Variants in CERK observed in about 807,000 individuals in gnomAD.
CERK encodes the protein ceramide kinase, also known as acylsphingosine kinase.
A neutral mutation model predicts 63.4 loss-of-function variants in CERK; 39 were observed. The observed-to-expected ratio is 0.61, with a 90% CI of 0.48 to 0.80. CERK has a LOEUF of 0.80. CERK is among the 30% of genes least tolerant of loss of function. The pLI, the probability that CERK is intolerant of heterozygous loss-of-function variation, is 0.00. For synonymous variants in CERK, 302 were observed against 280.0 expected (o/e 1.08, Z -0.78); for missense variants, 670 against 714.1 (o/e 0.94, Z 0.70).
intron 8 of CERK, among the ~76,000 whole-genome samples, chr22:46,696,189 C>G (rs1041219927): frequency 6.6e-6 from 1 of 152,208 alleles, no homozygotes; most frequent in Admixed American, 6.5e-5. Flanking sequence ...AGTCTGGCTC[C>G]TAGGACATCT....
In CERK at chr22:46,687,164, T is replaced by C; in HGVS notation, c.1584A>G (p.Glu528=). 1.2e-6 allele frequency: 2 copies of C among 1,614,226 alleles called. No individual in the cohort carries two copies. The highest frequency in any genetic ancestry group is 1.7e-6 in the Non-Finnish European group (2 of 1,180,046). ...QLVRLFARGI[E]ENPKPDSHS is the part of the protein sequence containing the mutation. ...TGTGTGAGTCTGGCTTCGGATTCTC[T>C]TCAATTCCTCGTGCAAAGAGTCGAA... Residue 528 remains glutamate (E), a synonymous_variant, in exon 13 of 13, where the codon GAA becomes GAG. Transcript: ENST00000216264.
intron 8 of CERK, among the ~76,000 whole-genome samples, chr22:46,697,911 C>T (rs946311257): frequency 6.6e-6 from 1 of 152,236 alleles, no homozygotes; most frequent in African/African-American, 2.4e-5. Flanking sequence ...TGAACTGGCA[C>T]CAGCCTTCAT....
In CERK at chr22:46,711,097, G is replaced by C; in HGVS notation, c.558C>G (p.Asp186Glu). 6.2e-7 allele frequency: 1 copy of C among 1,613,196 alleles called. No individual in the cohort carries two copies. Among genetic ancestry groups the C allele is most frequent in the African/African-American group, 1.3e-5 (1 of 74,984 alleles). Residue 186 changes from aspartate (D) to glutamate (E), a missense_variant, in exon 5 of 13, where the codon GAC becomes GAG. Asp to Glu is a conservative substitution (Grantham distance 45, BLOSUM62 2). Transcript: ENST00000216264. ...AKETLYEINI[D>E]KYDGIVCVGG... ...GACGGCTTACTCACCCGTCGTATTT[G>C]TCTATGTTAATCTCATACAGAGTCT...
chr22:46,711,256 C>A (rs555360566), intron 4 of CERK, 107 bp from the exon 5 acceptor site: 5 of 810,210 alleles, frequency 6.2e-6, no homozygotes, highest in Non-Finnish European at 8.5e-6. Flanking sequence ...CACCTTCAGG[C>A]GGATTTCCTA....
intron 3 of CERK, among the ~76,000 whole-genome samples, chr22:46,717,471 C>T (rs945910002): frequency 4.6e-5 from 7 of 152,228 alleles, no homozygotes; most frequent in Admixed American, 1.3e-4. Flanking sequence ...GGCAGCCCCA[C>T]GCGAGAGCGT....
chr22:46,701,230 A>G (rs562075548), intron 7 of CERK, among the ~76,000 whole-genome samples: 1 of 152,330 alleles, frequency 6.6e-6, no homozygotes, highest in South Asian at 2.1e-4. Context: ...TCACAGAGGC[A>G]TGCGTTCCAC....
At chr22:46,736,011 GCCCACCAGCCAGGGCCACCAGCCAGGGC>G (rs1263381034) in intron 1 of CERK, among the ~76,000 whole-genome samples, 5 of 152,214 alleles carry the variant, frequency 3.3e-5, no homozygotes, top group Non-Finnish European at 7.4e-5. Flanking sequence ...CCTGGAGGAA[GCCCACCAGCCAGGGCCACCAGCCAGGGC>G]CCCACCATCC....
chr22:46,690,018 G>T lies in CERK; in HGVS notation c.1515C>A (p.Val505=). The T allele has an allele frequency of 6.2e-7, 1 of 1,609,840 alleles. No homozygotes were observed. ...TGACCTCGATGGCAGGGCTGTGCAG[G>T]ACCTCCCCGTCGCAGTTCCAGGAGC... The part of the protein sequence containing the change: ...SNSSWNCDGE[V]LHSPAIEVRV... The change falls in exon 12 of 13, where the codon GTC becomes GTA. Residue 505 remains valine (V), a synonymous_variant. Transcript: ENST00000216264.
chr22:46,707,069 G>A (rs1369091780), intron 6 of CERK, among the ~76,000 whole-genome samples: 4 of 151,946 alleles, frequency 2.6e-5, no homozygotes, highest in Admixed American at 6.6e-5. Context: ...GCTCCCATCC[G>A]GTGACCTGTG....
intron 4 of CERK, 103 bp downstream of exon 4, chr22:46,712,065 C>T (rs1167188414): frequency 7.5e-6 from 10 of 1,334,244 alleles, no homozygotes; most frequent in Non-Finnish European, 1.0e-5. Context: ...CCAGCCTGGG[C>T]AACAGAGTGA....
At position 46,738,019 on chromosome 22, in the gene CERK, C is replaced by G; in HGVS notation, c.130G>C (p.Ala44Pro). 8.4e-7 allele frequency: 1 copy of G among 1,187,368 alleles called. No homozygotes were observed. The highest frequency in any genetic ancestry group is 1.0e-6 in the Non-Finnish European group (1 of 962,666). 73.6% of individuals were successfully genotyped at this position (1,187,368 alleles called of 1,614,324 possible). Residue 44 changes from alanine (A) to proline (P), a missense_variant, in exon 1 of 13, where the codon GCC becomes CCC. By Grantham distance (27) the Ala-to-Pro change is conservative. Transcript: ENST00000216264. ...CGGCGACACTCACCCGCGCCGGGGG[C>G]GCCGGCTCCGGGCCCCGGGCTCCGC... is the stretch of plus-strand genomic sequence containing the variant. The part of the protein sequence containing the change: ...WWRSPGPGAG[A>P]PGADACSVPV...
At chr22:46,696,730 G>A (rs1341896193) in intron 8 of CERK, among the ~76,000 whole-genome samples, 1 of 152,244 alleles carries the variant, frequency 6.6e-6, no homozygotes. Flanking sequence ...CAGGCCCTGT[G>A]GCCAGGATGG....
At chr22:46,711,029 G>A (rs564352615) in intron 5 of CERK, 57 bp downstream of exon 5, 27 of 1,411,360 alleles carry the variant, frequency 1.9e-5, no homozygotes, top group Non-Finnish European at 2.6e-5. Context: ...ACTGAGAGGT[G>A]GGTAGAACTT....
chr22:46,696,843 G>A (rs373144650), intron 8 of CERK, among the ~76,000 whole-genome samples: 41 of 152,262 alleles, frequency 2.7e-4, no homozygotes, highest in Admixed American at 5.9e-4. Context: ...AGGGCAAAGG[G>A]GGGGGCCAGG....
chr22:46,726,993 G>A (rs1569330238), intron 1 of CERK, among the ~76,000 whole-genome samples: 1 of 152,174 alleles, frequency 6.6e-6, no homozygotes, highest in Non-Finnish European at 1.5e-5. Flanking sequence ...CCTTCTGATT[G>A]TAAAACATTA....
At chr22:46,713,654 G>A (rs978001602) in intron 3 of CERK, among the ~76,000 whole-genome samples, 5 of 151,966 alleles carry the variant, frequency 3.3e-5, no homozygotes, top group African/African-American at 7.3e-5. Context: ...ACACATCAAC[G>A]GAGCATCCTT....
intron 6 of CERK, among the ~76,000 whole-genome samples, chr22:46,702,219 ATATATG>A (rs1374526973): frequency 6.3e-4 from 61 of 97,210 alleles, no homozygotes; most frequent in African/African-American, 2.6e-3. Flanking sequence ...AAAAAAATAT[ATATATG>A]TGTGTGTGTG....
Position 46,701,452 on chromosome 22 carries a change from G to A in CERK, c.790+184C>T, listed in dbSNP as rs577964553. 1.8e-4 allele frequency among the ~76,000 whole-genome samples: 28 copies of A among 152,392 alleles called. No individual in the cohort carries two copies. In the South Asian group the frequency reaches 5.6e-3, roughly 30 times the overall value. Reference sequence around the variant, plus strand: ...CCCCCAGGAAGCCCGTCCTGACAACGTGGCCTCGGAGCTGCGTGCTGAGTG... The same window carrying A: ...CCCCCAGGAAGCCCGTCCTGACAACATGGCCTCGGAGCTGCGTGCTGAGTG... On this transcript the variant is annotated intron_variant, in intron 7 of 12. Transcript: ENST00000216264.
Position 46,691,649 on chromosome 22 carries a change from C to A in CERK, c.1255G>T (p.Asp419Tyr), listed in dbSNP as rs2082732180. 6.2e-7 allele frequency: 1 copy of A among 1,614,032 alleles called. No individual in the cohort carries two copies. The highest frequency in any genetic ancestry group is 8.5e-7 in the Non-Finnish European group (1 of 1,180,030). The change falls in exon 11 of 13, where the codon GAC becomes TAC. Residue 419 changes from aspartate to tyrosine, a missense_variant. By Grantham distance (160) the Asp-to-Tyr change is radical (BLOSUM62 -3). Transcript: ENST00000216264. ...PAAHLGDGSSDLILIRKCSRF... is the reference protein window; with the variant it reads ...PAAHLGDGSSYLILIRKCSRF... The stretch of plus-strand genomic sequence containing the variant: ...GAGCATTTCCGGATGAGGATGAGGT[C>A]AGAAGACCCGTCTCCCAAGTGGGCA...
Sources: allele counts gnomAD v4.1 joint callset (sites outside exome capture counted in the v4.1 genomes callset), GRCh38; gene constraint gnomAD v4.1.1; transcripts MANE v1.5; gene names NCBI Gene and HGNC (gene_info 2026-07-23, HGNC 2026-07-21).